Variants in DIAPH3 observed in about 807,000 individuals in gnomAD.
DIAPH3 encodes the protein protein diaphanous homolog 3.
In DIAPH3, 117 loss-of-function variants were observed where a neutral mutation model predicts 144.3. The observed-to-expected ratio is 0.81, with a 90% CI of 0.70 to 0.95. The LOEUF (loss-of-function observed/expected upper bound fraction) is 0.95, where lower values mean the gene tolerates loss of function less well. Ranked by LOEUF, DIAPH3 falls within the 40% of genes least tolerant of loss-of-function variation. The probability of loss-of-function intolerance (pLI) is 0.00; values close to 1 mark genes in which losing one functional copy is unlikely to be tolerated. For synonymous variants in DIAPH3, 519 were observed against 488.9 expected, an observed-to-expected ratio of 1.06 and a Z score of -0.81; for missense variants, 1,421 against 1,412.7, an observed-to-expected ratio of 1.01 and a Z score of -0.09.
intron 17 of DIAPH3, among the ~76,000 whole-genome samples, chr13:59,938,210 C>A (rs375671247): frequency 6.6e-6 from 1 of 152,138 alleles, no homozygotes; most frequent in Non-Finnish European, 1.5e-5. Flanking sequence ...TCTGTCCCCA[C>A]AATCTCCTGA....
intron 9 of DIAPH3, among the ~76,000 whole-genome samples, chr13:59,995,969 A>G (rs1020264580): frequency 5.9e-5 from 9 of 152,026 alleles, no homozygotes; most frequent in African/African-American, 2.2e-4. Flanking sequence ...TAAGTTAAAG[A>G]AAAAGAAAAG....
At chr13:59,955,864 G>A (rs2049371306) in intron 17 of DIAPH3, among the ~76,000 whole-genome samples, 1 of 152,152 alleles carries the variant, frequency 6.6e-6, no homozygotes, top group African/African-American at 2.4e-5. Context: ...TAGAATAAAG[G>A]TGACTCCTGC....
intron 27 of DIAPH3, among the ~76,000 whole-genome samples, chr13:59,676,591 G>A (rs2032656217): frequency 6.6e-6 from 1 of 152,148 alleles, no homozygotes; most frequent in South Asian, 2.1e-4. Context: ...CATGCCAGGT[G>A]CTAAGTTTTT....
chr13:60,023,887 GCT>G (rs1487356351), intron 5 of DIAPH3, among the ~76,000 whole-genome samples: 1 of 107,080 alleles, frequency 9.3e-6, no homozygotes, highest in Non-Finnish European at 1.7e-5. Flanking sequence ...ACAGAGTCTC[GCT>G]CTGTCGCCCA....
At chr13:59,885,184 C>A (rs1461655773) in intron 20 of DIAPH3, among the ~76,000 whole-genome samples, 1 of 151,998 alleles carries the variant, frequency 6.6e-6, no homozygotes, top group Admixed American at 6.6e-5. Flanking sequence ...AGCTAAAGAA[C>A]AAAGAGACTT....
chr13:60,096,037 T>C (rs1275534737), intron 3 of DIAPH3, among the ~76,000 whole-genome samples: 2 of 152,186 alleles, frequency 1.3e-5, no homozygotes, highest in African/African-American at 4.8e-5. Flanking sequence ...ATTGTTTAAA[T>C]TGAAATACAT....
chr13:59,722,903 C>T (rs2035414100), intron 27 of DIAPH3, among the ~76,000 whole-genome samples: 1 of 152,140 alleles, frequency 6.6e-6, no homozygotes, highest in Admixed American at 6.5e-5. Context: ...ACCCCGAATC[C>T]ACTTACAATG....
At chr13:59,719,485 C>A (rs541972402) in intron 27 of DIAPH3, among the ~76,000 whole-genome samples, 1 of 152,036 alleles carries the variant, frequency 6.6e-6, no homozygotes, top group South Asian at 2.1e-4. Flanking sequence ...ATGAAGCCTG[C>A]CTTTGGATGT....
intron 27 of DIAPH3, among the ~76,000 whole-genome samples, chr13:59,708,021 T>C (rs1311793642): frequency 2.6e-5 from 4 of 151,946 alleles, no homozygotes; most frequent in Non-Finnish European, 5.9e-5. Flanking sequence ...CCCTTGATCC[T>C]AATTCCTCTT....
intron 3 of DIAPH3, among the ~76,000 whole-genome samples, chr13:60,104,994 G>A (rs563625897): frequency 2.6e-4 from 40 of 151,074 alleles, no homozygotes; most frequent in South Asian, 6.3e-4. Context: ...TACTCGGGAG[G>A]CTGAGGCAGG....
At chr13:59,873,303 G>GTGT (rs2044393580) in intron 21 of DIAPH3, among the ~76,000 whole-genome samples, 2 of 152,024 alleles carry the variant, frequency 1.3e-5, no homozygotes, top group African/African-American at 4.8e-5. Flanking sequence ...AATGCAAATG[G>GTGT]AACAATGGAT....
At chr13:60,132,376 GTTC>G (rs2059166979) in intron 2 of DIAPH3, among the ~76,000 whole-genome samples, 1 of 151,922 alleles carries the variant, frequency 6.6e-6, no homozygotes, top group African/African-American at 2.4e-5. Context: ...TTTTGTTGTT[GTTC>G]TTCTTGTTAT....
intron 5 of DIAPH3, among the ~76,000 whole-genome samples, chr13:60,040,583 G>A (rs940164228): frequency 2.6e-5 from 4 of 152,056 alleles, no homozygotes; most frequent in Non-Finnish European, 4.4e-5. Context: ...ATCTACTTTT[G>A]AGTAGATGAA....
At chr13:59,865,405 A>G (rs1408995402) in intron 21 of DIAPH3, among the ~76,000 whole-genome samples, 1 of 152,060 alleles carries the variant, frequency 6.6e-6, no homozygotes. Context: ...GTAACGCTAA[A>G]TCTTGGAAAG....
intron 15 of DIAPH3, among the ~76,000 whole-genome samples, chr13:59,971,367 T>G (rs1164223178): frequency 6.6e-6 from 1 of 152,102 alleles, no homozygotes; most frequent in Non-Finnish European, 1.5e-5. Flanking sequence ...CATAAAAACA[T>G]AATTGCCAGA....
At chr13:59,856,083 T>C (rs889671669) in intron 22 of DIAPH3, among the ~76,000 whole-genome samples, 3 of 152,210 alleles carry the variant, frequency 2.0e-5, no homozygotes, top group African/African-American at 7.2e-5. Context: ...ATACATGTAC[T>C]ACTTTATGTT....
chr13:60,042,538 G>A (rs2055756273), intron 5 of DIAPH3, 152 bp downstream of exon 5: 1 of 937,190 alleles, frequency 1.1e-6, no homozygotes, highest in South Asian at 1.5e-5. Flanking sequence ...AGGTACTATT[G>A]AGACTATATT....
intron 4 of DIAPH3, among the ~76,000 whole-genome samples, chr13:60,047,231 G>A (rs1343918895): frequency 6.6e-6 from 1 of 150,592 alleles, no homozygotes; most frequent in Admixed American, 6.6e-5. Flanking sequence ...CAGAACAGAA[G>A]AATTAATTTT....
chr13:60,019,014 T>C (rs1025249736), intron 5 of DIAPH3, among the ~76,000 whole-genome samples: 7 of 152,182 alleles, frequency 4.6e-5, no homozygotes, highest in African/African-American at 1.7e-4. Context: ...CTCAAGTGTT[T>C]CACCCTCACC....
Sources: gnomAD v4.1 joint callset for allele counts (sites outside exome capture counted in the v4.1 genomes callset) on GRCh38, gnomAD v4.1.1 for gene constraint, MANE v1.5 for transcripts, NCBI Gene and HGNC (gene_info 2026-07-23, HGNC 2026-07-21) for gene names.